Variants in PTPRN2 observed in about 807,000 individuals in gnomAD.
PTPRN2 encodes protein tyrosine phosphatase receptor type N2, also known as receptor-type tyrosine-protein phosphatase N2.
In PTPRN2, 74 loss-of-function variants were observed where a neutral mutation model predicts 118.8. The observed-to-expected ratio is 0.62, with a 90% CI of 0.52 to 0.76. The LOEUF (loss-of-function observed/expected upper bound fraction) is 0.76. Among genes scored for constraint, PTPRN2 ranks in the 30% least tolerant of loss-of-function variants. The pLI is 0.00. For synonymous variants in PTPRN2, 641 were observed against 608.0 expected (o/e 1.05, Z -0.80); for missense variants, 1,481 against 1,394.4 (o/e 1.06, Z -0.99).
intron 2 of PTPRN2, among the ~76,000 whole-genome samples, chr7:158,453,005 G>C (rs1019311604): frequency 6.6e-6 from 1 of 152,240 alleles, no homozygotes; most frequent in African/African-American, 2.4e-5. Context: ...CTGCAGGGCT[G>C]GGCATGATGC....
chr7:158,417,621 T>C (rs1176229363), intron 2 of PTPRN2, among the ~76,000 whole-genome samples: 1 of 151,180 alleles, frequency 6.6e-6, no homozygotes, highest in African/African-American at 2.4e-5. Flanking sequence ...TCCCACTGTG[T>C]TAAGTCACGG....
intron 11 of PTPRN2, among the ~76,000 whole-genome samples, chr7:158,064,461 G>A (rs762961081): frequency 2.0e-5 from 3 of 152,200 alleles, no homozygotes; most frequent in Non-Finnish European, 2.9e-5. Context: ...TGGGGGAGCC[G>A]GGGGAGCCTG....
intron 2 of PTPRN2, among the ~76,000 whole-genome samples, chr7:158,457,848 A>G (rs774847599): frequency 2.3e-3 from 338 of 144,174 alleles, no homozygotes; most frequent in African/African-American, 8.8e-3. Flanking sequence ...TGGCCTGGGG[A>G]GAGTCGCAGT....
intron 12 of PTPRN2, among the ~76,000 whole-genome samples, chr7:157,698,397 C>T (rs1797910731): frequency 6.6e-6 from 1 of 152,206 alleles, no homozygotes; most frequent in Admixed American, 6.5e-5. Flanking sequence ...AAAATAGGAA[C>T]TCAATGATGA....
At chr7:158,398,295 T>C (rs1812681761) in intron 2 of PTPRN2, among the ~76,000 whole-genome samples, 1 of 152,222 alleles carries the variant, frequency 6.6e-6, no homozygotes, top group South Asian at 2.1e-4. Context: ...TAGATATTAT[T>C]ATCCCACTAG....
At chr7:158,523,906 TGGAGTCATCTGCCCTGGAGC>T (rs1308250177) in intron 1 of PTPRN2, among the ~76,000 whole-genome samples, 1 of 19,584 alleles carries the variant, frequency 5.1e-5, no homozygotes. Flanking sequence ...TGCCCTGGAG[TGGAGTCATCTGCCCTGGAGC>T]GGAGTCTGCC....
intron 2 of PTPRN2, among the ~76,000 whole-genome samples, chr7:158,437,707 A>G (rs750281368): frequency 2.0e-5 from 3 of 152,186 alleles, no homozygotes; most frequent in Non-Finnish European, 2.9e-5. Context: ...CCTGAATTCC[A>G]GTTTCATCTC....
chr7:157,826,487 C>T (rs1165148309), intron 12 of PTPRN2, among the ~76,000 whole-genome samples: 5 of 56,366 alleles, frequency 8.9e-5, no homozygotes, highest in South Asian at 8.1e-4. Flanking sequence ...CATTTCCACG[C>T]GTGCTGTGCA....
chr7:157,912,059 C>T (rs1023070236), intron 11 of PTPRN2, among the ~76,000 whole-genome samples: 1 of 152,218 alleles, frequency 6.6e-6, no homozygotes, highest in East Asian at 1.9e-4. Context: ...AACCTTCTCA[C>T]ACGTGTCTCC....
chr7:158,224,959 C>A (rs1035938055), intron 3 of PTPRN2, among the ~76,000 whole-genome samples: 3 of 152,038 alleles, frequency 2.0e-5, no homozygotes, highest in Admixed American at 6.5e-5. Context: ...AATAACCACA[C>A]GAAGAGATGC....
At chr7:158,491,783 C>T (rs1821467622) in intron 1 of PTPRN2, among the ~76,000 whole-genome samples, 1 of 152,204 alleles carries the variant, frequency 6.6e-6, no homozygotes, top group Admixed American at 6.5e-5. Flanking sequence ...AGCCACCGCG[C>T]CTGGCCAGCA....
In PTPRN2 at chr7:158,003,490, G is replaced by C. The variant is rs1805427533; in HGVS notation, c.1723+77808C>G. ...GACCTGTGTTCTTCAGGAAGAGGAA[G>C]AGACACACAGCCTGCATCTACACAG... On this transcript the variant is annotated intron_variant, in intron 11 of 22. Transcript: ENST00000389418. The surrounding 1 kb of genome is among the most constrained non-coding windows in gnomAD (Gnocchi z 5.0). Among the ~76,000 whole-genome samples the C allele has an allele frequency of 6.6e-6, 1 of 151,846 alleles. No homozygotes were observed. The highest frequency in any genetic ancestry group is 1.5e-5 in the Non-Finnish European group (1 of 67,980).
intron 3 of PTPRN2, among the ~76,000 whole-genome samples, chr7:158,276,142 C>T (rs1586093281): frequency 6.6e-6 from 1 of 152,122 alleles, no homozygotes; most frequent in East Asian, 1.9e-4. Context: ...CCCTCCCTCC[C>T]CAAGTGTTCG....
intron 12 of PTPRN2, among the ~76,000 whole-genome samples, chr7:157,718,825 C>T (rs1370496916): frequency 1.2e-4 from 18 of 151,554 alleles, no homozygotes; most frequent in African/African-American, 1.7e-4. Context: ...TCTCAGCTGC[C>T]GCAATCGGTC....
At chr7:157,552,151 G>A (rs998574969) in intron 21 of PTPRN2, among the ~76,000 whole-genome samples, 1 of 150,508 alleles carries the variant, frequency 6.6e-6, no homozygotes, top group African/African-American at 2.5e-5. Context: ...CAGCCACCGT[G>A]TACCCCACGG....
chr7:157,945,450 G>A (rs575057704), intron 11 of PTPRN2, among the ~76,000 whole-genome samples: 5 of 152,132 alleles, frequency 3.3e-5, no homozygotes, highest in South Asian at 4.2e-4. Context: ...ATCTTTCCCC[G>A]TGGATGTTTC....
At chr7:157,631,987 G>C (rs969393401) in intron 14 of PTPRN2, among the ~76,000 whole-genome samples, 2 of 152,172 alleles carry the variant, frequency 1.3e-5, no homozygotes, top group Non-Finnish European at 2.9e-5. Flanking sequence ...CAGACCTTAC[G>C]TACTTTCCGA....
intron 2 of PTPRN2, among the ~76,000 whole-genome samples, chr7:158,357,149 C>T (rs188168808): frequency 2.3e-4 from 35 of 152,326 alleles, no homozygotes; most frequent in African/African-American, 6.5e-4. Context: ...AGGAACCGGA[C>T]GAATGATGTG....
At chr7:158,056,951 C>G (rs1809838000) in intron 11 of PTPRN2, among the ~76,000 whole-genome samples, 1 of 152,222 alleles carries the variant, frequency 6.6e-6, no homozygotes, top group African/African-American at 2.4e-5. Flanking sequence ...CAATGTCGCC[C>G]TTATCCGATG....
Sources: allele counts gnomAD v4.1 joint callset (sites outside exome capture counted in the v4.1 genomes callset), GRCh38; gene constraint gnomAD v4.1.1; non-coding constraint Gnocchi (gnomAD v3.1); transcripts MANE v1.5; gene names NCBI Gene and HGNC (gene_info 2026-07-23, HGNC 2026-07-21).